TRDN: variants seen among roughly 807,000 people sequenced by gnomAD.
The protein encoded by TRDN is triadin in skeletal muscle.
In TRDN, 161 loss-of-function variants were observed where a neutral mutation model predicts 149.7. That is an observed-to-expected ratio of 1.08 (90% CI 0.95 to 1.23). The LOEUF (loss-of-function observed/expected upper bound fraction) is 1.23, where lower values mean the gene tolerates loss of function less well. Ranked by LOEUF, TRDN falls within the 50% of genes most tolerant of loss-of-function variation. TRDN has a pLI of 0.00. For synonymous variants in TRDN, 294 were observed against 250.5 expected, an observed-to-expected ratio of 1.17 and a Z score of -1.64; for missense variants, 896 against 823.5, an observed-to-expected ratio of 1.09 and a Z score of -1.08.
chr6:123,218,793 AGCACAGTGAG>A, intron 40 of TRDN, 53 bp from the exon 41 acceptor site: 1 of 1,533,312 alleles, frequency 6.5e-7, no homozygotes, highest in Non-Finnish European at 8.8e-7. Context: ...TGAGCAAAAA[AGCACAGTGAG>A]GCAGTGCAGT....
intron 9 of TRDN, among the ~76,000 whole-genome samples, chr6:123,477,957 C>T (rs546800211): frequency 4.2e-4 from 63 of 151,610 alleles, no homozygotes; most frequent in African/African-American, 1.5e-3. Context: ...ATACCTAACG[C>T]GAGATGACGA....
chr6:123,236,646 C>CA (rs1775798373), intron 38 of TRDN, among the ~76,000 whole-genome samples: 1 of 151,974 alleles, frequency 6.6e-6, no homozygotes, highest in African/African-American at 2.4e-5. Context: ...AGTTTATTTT[C>CA]AAAAAATACA....
intron 12 of TRDN, among the ~76,000 whole-genome samples, chr6:123,433,164 T>TA (rs1446401339): frequency 4.9e-4 from 28 of 57,406 alleles, no homozygotes; most frequent in South Asian, 1.7e-3. Context: ...ATATATATAA[T>TA]ATATATATAT....
In TRDN at chr6:123,596,732, T is replaced by A. The variant is rs565077525; in HGVS notation, c.23-25600A>T. On this transcript the variant is annotated intron_variant, in intron 1 of 40. Coordinates refer to ENST00000334268, the MANE Select transcript of TRDN (RefSeq NM_006073.4). ...CTATGCTCTATCAGTGGAACAACAG[T>A]TTTTTAATCTATCAGTGGAATGACA... Among the ~76,000 whole-genome samples the A allele has an allele frequency of 5.3e-5, 8 of 152,120 alleles. No individual in the cohort carries two copies. The South Asian group carries it at 1.5e-3, about 28-fold the overall frequency.
At chr6:123,222,168 A>T (rs1416064564) in intron 39 of TRDN, among the ~76,000 whole-genome samples, 1 of 151,588 alleles carries the variant, frequency 6.6e-6, no homozygotes, top group Non-Finnish European at 1.5e-5. Flanking sequence ...TCTATAAAAC[A>T]TTGAAATAAT....
At chr6:123,348,641 C>T in intron 21 of TRDN, among the ~76,000 whole-genome samples, 1 of 152,006 alleles carries the variant, frequency 6.6e-6, no homozygotes, top group East Asian at 1.9e-4. Flanking sequence ...TGTAATGTAG[C>T]AGCTTGTAAT....
chr6:123,634,992 T>C (rs1405763361), intron 1 of TRDN, among the ~76,000 whole-genome samples: 1 of 151,980 alleles, frequency 6.6e-6, no homozygotes, highest in African/African-American at 2.4e-5. Context: ...AGAATTTTCC[T>C]GTAAAAAGTC....
rs1312503910 is a variant in TRDN at position 123,473,433 on chromosome 6, A to G, written c.854-8450T>C. Among the ~76,000 whole-genome samples, 5 of 151,866 alleles carry G rather than the reference A, an allele frequency of 3.3e-5. No homozygotes were observed. In the South Asian group the frequency reaches 1.0e-3, roughly 32 times the overall value. The stretch of plus-strand genomic sequence containing the variant: ...GAAGTGAGCAAAGCCTCCAAGAAAT[A>G]TGGGACTATGTGAAAAGACCAAATC... On this transcript the variant is annotated intron_variant, in intron 9 of 40. Transcript: ENST00000334268.
chr6:123,410,871 T>G (rs1436083520), intron 12 of TRDN, among the ~76,000 whole-genome samples: 2 of 151,946 alleles, frequency 1.3e-5, no homozygotes, highest in African/African-American at 2.4e-5. Flanking sequence ...CACAAATACA[T>G]AACAAAATGA....
intron 1 of TRDN, among the ~76,000 whole-genome samples, chr6:123,607,598 T>G (rs1385842466): frequency 6.6e-6 from 1 of 152,156 alleles, no homozygotes; most frequent in Admixed American, 6.6e-5. Context: ...AACATGTCAT[T>G]TGTGTTGCTG....
intron 2 of TRDN, among the ~76,000 whole-genome samples, chr6:123,555,357 A>G (rs1409291945): frequency 2.6e-5 from 4 of 152,276 alleles, no homozygotes; most frequent in African/African-American, 9.6e-5. Context: ...ATTGAAAGTA[A>G]AGACAAAATT....
At chr6:123,403,177 T>G (rs1038989457) in intron 12 of TRDN, among the ~76,000 whole-genome samples, 1 of 152,166 alleles carries the variant, frequency 6.6e-6, no homozygotes, top group African/African-American at 2.4e-5. Context: ...AAATGTTGAT[T>G]TCAACAAGGC....
intron 12 of TRDN, among the ~76,000 whole-genome samples, chr6:123,396,476 A>C (rs1449045686): frequency 6.6e-6 from 1 of 152,192 alleles, no homozygotes; most frequent in East Asian, 1.9e-4. Context: ...GATGACCATA[A>C]CAATATTCAA....
chr6:123,385,202 C>T (rs550058028), intron 14 of TRDN, among the ~76,000 whole-genome samples: 42 of 151,970 alleles, frequency 2.8e-4, no homozygotes, highest in Admixed American at 2.2e-3. Flanking sequence ...CTGAGGAGTG[C>T]GGATCACTAG....
At position 123,218,580 on chromosome 6, in the gene TRDN, G is replaced by T. The variant is rs765558313; in HGVS notation, c.*21C>A. 1.2e-6 allele frequency: 2 copies of T among 1,601,692 alleles called. No individual in the cohort carries two copies. The highest frequency in any genetic ancestry group is 2.2e-5 in the East Asian group (1 of 44,678). On this transcript the variant is annotated 3_prime_UTR_variant, in exon 41 of 41. Transcript: ENST00000334268. ...ACATTTTTAAAATCTTAAAGCACTT[G>T]TAAGGGTCATACATGTGTGTTTACT...
At chr6:123,411,655 C>T (rs1773445825) in intron 12 of TRDN, 2 of 152,230 alleles carry the variant, frequency 1.3e-5, no homozygotes, top group South Asian at 4.1e-4. Context: ...AATACTTAAT[C>T]TGTATTTATT....
chr6:123,269,313 CA>C (rs1777122956), intron 31 of TRDN, among the ~76,000 whole-genome samples: 1 of 151,956 alleles, frequency 6.6e-6, no homozygotes. Flanking sequence ...GGACAAATGG[CA>C]AAATGTTTAT....
chr6:123,615,187 C>CA (rs1294556915), intron 1 of TRDN, among the ~76,000 whole-genome samples: 4 of 152,090 alleles, frequency 2.6e-5, no homozygotes, highest in African/African-American at 9.7e-5. Flanking sequence ...GGAACTCTCA[C>CA]ACACTGTTGG....
In TRDN at chr6:123,269,633, G is replaced by A. The variant is rs1367677; in HGVS notation, c.1738+216C>T. On this transcript the variant is annotated intron_variant, in intron 31 of 40. Coordinates refer to ENST00000334268, the MANE Select transcript of TRDN (RefSeq NM_006073.4). ...AATCATTAATTATTAATCATTAATT[G>A]GTAGATTGATTTAACAAGAATGTTA... is the stretch of plus-strand genomic sequence containing the variant. Among the ~76,000 whole-genome samples, 131,845 of 151,882 alleles carry A rather than the reference G, an allele frequency of 0.87. 57,540 individuals are homozygous for A. Among genetic ancestry groups the A allele is most frequent in the East Asian group, 0.99 (5,131 of 5,174 alleles).
Sources: allele counts gnomAD v4.1 joint callset (sites outside exome capture counted in the v4.1 genomes callset), GRCh38; gene constraint gnomAD v4.1.1; transcripts MANE v1.5; gene names NCBI Gene and HGNC (gene_info 2026-07-23, HGNC 2026-07-21).